Variants in UXS1 observed in about 807,000 individuals in gnomAD.
UXS1 encodes UDP-glucuronic acid decarboxylase 1.
A neutral mutation model predicts 62.6 loss-of-function variants in UXS1; 33 were observed. That is an observed-to-expected ratio of 0.53 (90% CI 0.40 to 0.70). The LOEUF is 0.70. Among genes scored for constraint, UXS1 ranks in the 30% least tolerant of loss-of-function variants. The probability of loss-of-function intolerance (pLI) is 0.00; values close to 1 mark genes in which losing one functional copy is unlikely to be tolerated. For missense variants in UXS1, 434 were observed against 556.3 expected (o/e 0.78, Z 2.21); for synonymous variants, 213 against 206.8 (o/e 1.03, Z -0.26).
rs1257608816 is a variant in UXS1, at chr2:106,112,563, C to T, written c.879+83G>A. On this transcript the variant is annotated intron_variant, in intron 10 of 14. Coordinates refer to ENST00000283148, the MANE Select transcript of UXS1 (RefSeq NM_001253875.2). ...GCTTCAGAAGTGTCACTCCCTGAAC[C>T]AAGATGCACTTATCCCTCATCCTTT... 3.2e-6 allele frequency: 5 copies of T among 1,550,358 alleles called. No individual in the cohort carries two copies. In the Admixed American group the frequency reaches 9.4e-5, roughly 29 times the overall value.
chr2:106,141,821 A>G (rs1573494804), intron 6 of UXS1, among the ~76,000 whole-genome samples: 1 of 151,424 alleles, frequency 6.6e-6, no homozygotes, highest in Non-Finnish European at 1.5e-5. Flanking sequence ...TTTTAATTGG[A>G]AAAAAAATCA....
chr2:106,170,907 T>C (rs1179932851), intron 1 of UXS1, among the ~76,000 whole-genome samples: 1 of 152,246 alleles, frequency 6.6e-6, no homozygotes, highest in Non-Finnish European at 1.5e-5. Context: ...TAGCTGGGCA[T>C]TACTAACAGA....
intron 1 of UXS1, among the ~76,000 whole-genome samples, chr2:106,170,919 G>A (rs769461502): frequency 2.0e-5 from 3 of 152,194 alleles, no homozygotes; most frequent in Non-Finnish European, 2.9e-5. Context: ...ACTAACAGAT[G>A]CACTCTACAA....
Position 106,111,917 on chromosome 2 carries a change from C to G in UXS1, c.879+729G>C, listed in dbSNP as rs116652883. Among the ~76,000 whole-genome samples, 1,441 of 152,140 alleles carry G rather than the reference C, an allele frequency of 9.5e-3. 24 individuals carry two copies. The highest frequency in any genetic ancestry group is 0.033 in the African/African-American group (1,367 of 41,468). On this transcript the variant is annotated intron_variant, in intron 10 of 14. Transcript: ENST00000283148. ...GCAAAGCAGCCTGGGCAGACAACCA[C>G]GAAGAGGAGTGACCGGGGAGCTGGG...
At chr2:106,117,504 T>C (rs1330441302) in intron 9 of UXS1, among the ~76,000 whole-genome samples, 1 of 151,414 alleles carries the variant, frequency 6.6e-6, no homozygotes, top group Non-Finnish European at 1.5e-5. Flanking sequence ...AGTGATGACT[T>C]ACTGTGCTAT....
chr2:106,122,897 T>C, intron 9 of UXS1, 73 bp downstream of exon 9: 2 of 1,571,570 alleles, frequency 1.3e-6, no homozygotes, highest in Middle Eastern at 4.2e-4. Context: ...CATTCATTCC[T>C]TTACAACACT....
chr2:106,103,699 C>A (rs1355485237), intron 11 of UXS1, among the ~76,000 whole-genome samples: 1 of 152,154 alleles, frequency 6.6e-6, no homozygotes, highest in African/African-American at 2.4e-5. Flanking sequence ...GGGCTTTTGC[C>A]CCTTGAGGCA....
chr2:106,174,930 A>G (rs542189286), intron 1 of UXS1, among the ~76,000 whole-genome samples: 2 of 152,292 alleles, frequency 1.3e-5, no homozygotes, highest in Non-Finnish European at 2.9e-5. Context: ...AGGGCTCCAG[A>G]TTCCTTCCCA....
At chr2:106,102,766 G>T (rs1677701790) in intron 11 of UXS1, 1 of 152,120 alleles carries the variant, frequency 6.6e-6, no homozygotes, top group Non-Finnish European at 1.5e-5. Flanking sequence ...CTAAAAAATT[G>T]CTTGTGAAAA....
At chr2:106,164,586 C>G in intron 3 of UXS1, 150 bp downstream of exon 3, 1 of 584,578 alleles carries the variant, frequency 1.7e-6, no homozygotes, top group Non-Finnish European at 2.9e-6. Flanking sequence ...ACTGCATGTC[C>G]TCTTAAATAA....
Position 106,170,041 on chromosome 2 carries a change from G to A in UXS1, c.95-3958C>T, listed in dbSNP as rs1205179400. Among the ~76,000 whole-genome samples, 3 of 152,110 alleles carry A rather than the reference G, an allele frequency of 2.0e-5. No individual in the cohort carries two copies. In the East Asian group the frequency reaches 5.8e-4, roughly 29 times the overall value. On this transcript the variant is annotated intron_variant, in intron 1 of 14. Coordinates refer to ENST00000283148, the MANE Select transcript of UXS1 (RefSeq NM_001253875.2). ...GGAGGCTGGAGATGCACCTGGAGAC[G>A]TGCCCTCTCCTCCCCAGCTGCACCT...
chr2:106,121,291 A>T (rs1177300583), intron 9 of UXS1, among the ~76,000 whole-genome samples: 2 of 152,240 alleles, frequency 1.3e-5, no homozygotes, highest in Non-Finnish European at 2.9e-5. Flanking sequence ...GCAAGCTTAT[A>T]CTTAAGGCAA....
intron 11 of UXS1, among the ~76,000 whole-genome samples, chr2:106,103,537 C>A (rs986778566): frequency 6.6e-6 from 1 of 152,216 alleles, no homozygotes; most frequent in Non-Finnish European, 1.5e-5. Flanking sequence ...AGAAGTGTGC[C>A]ATGATAGTTT....
chr2:106,098,613 A>C (rs1482291938), intron 13 of UXS1, 103 bp downstream of exon 13: 1 of 945,264 alleles, frequency 1.1e-6, no homozygotes, highest in African/African-American at 1.7e-5. Flanking sequence ...CTTTGATCCA[A>C]TTCAATTAGC....
chr2:106,138,192 G>A (rs551578028), intron 6 of UXS1: 462 of 985,432 alleles, frequency 4.7e-4, no homozygotes, highest in African/African-American at 2.5e-3. Flanking sequence ...CCTCCTCGTC[G>A]TCTGCTCCAG....
intron 10 of UXS1, among the ~76,000 whole-genome samples, chr2:106,111,217 A>C (rs997711969): frequency 6.6e-6 from 1 of 152,240 alleles, no homozygotes. Context: ...GGATCTACCT[A>C]GGGAGGGCAC....
intron 10 of UXS1, among the ~76,000 whole-genome samples, chr2:106,110,311 A>G (rs1165519866): frequency 6.6e-6 from 1 of 152,140 alleles, no homozygotes; most frequent in Non-Finnish European, 1.5e-5. Context: ...CGGTGTGAAG[A>G]CAACACATGA....
At position 106,105,992 on chromosome 2, in the gene UXS1, C is replaced by A. The variant is rs1459766063; in HGVS notation, c.880-1155G>T. ...TGAACAGCACCAGCCCCCTCAGCACCAGACACTCAGCCTGGCTTTCCCAGA... is the reference window on the plus strand; with the variant it reads ...TGAACAGCACCAGCCCCCTCAGCACAAGACACTCAGCCTGGCTTTCCCAGA... On this transcript the variant is annotated intron_variant, in intron 10 of 14. Transcript: ENST00000283148. Among the ~76,000 whole-genome samples, 4 of 152,276 alleles carry A rather than the reference C, an allele frequency of 2.6e-5. No individual in the cohort carries two copies. The East Asian group carries it at 7.7e-4, about 29-fold the overall frequency.
chr2:106,112,708 T>C lies in UXS1; in HGVS notation c.817A>G (p.Met273Val). The C allele has an allele frequency of 6.2e-7, 1 of 1,614,056 alleles. No homozygotes were observed. The change falls in exon 10 of 15, where the codon ATG (methionine) becomes GTG (valine). Residue 273 changes from methionine to valine, a missense_variant. This residue lies in a region of UXS1 where 209 missense variants were observed against 233.3 expected (regional missense o/e 0.90). Coordinates refer to ENST00000283148, the MANE Select transcript of UXS1 (RefSeq NM_001253875.2). Reference protein sequence around the residue: ...IFNTFGPRMHMNDGRVVSNFI... With the variant: ...IFNTFGPRMHVNDGRVVSNFI... ...TTGCTGACTACTCGCCCATCGTTCATGTGCATGCGTGGCCCAAAGGTGTTG... is the reference window on the plus strand; with the variant it reads ...TTGCTGACTACTCGCCCATCGTTCACGTGCATGCGTGGCCCAAAGGTGTTG...
Sources: allele counts gnomAD v4.1 joint callset (sites outside exome capture counted in the v4.1 genomes callset), GRCh38; gene constraint gnomAD v4.1.1; regional missense constraint gnomAD v4.1.1; transcripts MANE v1.5; gene names NCBI Gene and HGNC (gene_info 2026-07-23, HGNC 2026-07-21).